Variants in TAS1R2 observed in about 807,000 individuals in gnomAD.
TAS1R2 encodes taste receptor type 1 member 2.
In TAS1R2, 47 loss-of-function variants were observed where a neutral mutation model predicts 49.3. That is an observed-to-expected ratio of 0.95 (90% CI 0.75 to 1.22). The LOEUF (loss-of-function observed/expected upper bound fraction) is 1.22. TAS1R2 is among the 50% of genes most tolerant of loss of function. TAS1R2 has a pLI of 0.00. For synonymous variants in TAS1R2, 479 were observed against 467.9 expected (o/e 1.02, Z -0.31); for missense variants, 1,155 against 1,122.1 (o/e 1.03, Z -0.42).
At chr1:18,853,329 C>T (rs994664809) in intron 3 of TAS1R2, among the ~76,000 whole-genome samples, 3 of 152,180 alleles carry the variant, frequency 2.0e-5, no homozygotes, top group East Asian at 3.8e-4. Context: ...TACAGCAATA[C>T]ACAGTATTTT....
rs762405605 is a variant in TAS1R2, at chr1:18,849,512, C to T, written c.1296G>A (p.Leu432=). Reference sequence around the variant, plus strand: ...GCGGGTCGAAGAAGATTTGGTGGTCCAGGAGAGTGAAGTTGACCTTCCAGA... The same window carrying T: ...GCGGGTCGAAGAAGATTTGGTGGTCTAGGAGAGTGAAGTTGACCTTCCAGA... The change falls in exon 4 of 6, where the codon CTG becomes CTA. Residue 432 remains leucine (L), a synonymous_variant. Transcript: ENST00000375371. 1.9e-5 allele frequency: 31 copies of T among 1,614,078 alleles called. 1 individual carries two copies. In the Admixed American group the frequency reaches 5.2e-4, roughly 27 times the overall value.
chr1:18,840,213 G>A (rs1362139090), exon 6 of TAS1R2: 3 of 1,614,208 alleles, frequency 1.9e-6, no homozygotes, highest in Admixed American at 1.7e-5. Flanking sequence ...AGGGGAAAGA[G>A]GGCCTGGCGG....
In TAS1R2 at chr1:18,856,374, T is replaced by C. The variant is rs189920985; in HGVS notation, c.483+957A>G. On this transcript the variant is annotated intron_variant, in intron 2 of 5. Coordinates refer to ENST00000375371, the Ensembl canonical transcript of TAS1R2. ...ACCCACCTGACCACCCTGTTGAAAA[T>C]TGCAATCTCCTTCTACCAACTCCTC... 1.5e-3 allele frequency among the ~76,000 whole-genome samples: 228 copies of C among 152,170 alleles called. 1 individual carries two copies. The highest frequency in any genetic ancestry group is 5.3e-3 in the African/African-American group (222 of 41,500).
intron 4 of TAS1R2, among the ~76,000 whole-genome samples, chr1:18,848,563 TG>T (rs11332276): frequency 0.41 from 62,898 of 151,866 alleles, 13,316 homozygotes; most frequent in East Asian, 0.55. Flanking sequence ...GTTAGGAACC[TG>T]GGCCACACAG....
rs2100528066 is a variant in TAS1R2 at position 18,857,447 on chromosome 1, G to A, written c.367C>T (p.Pro123Ser). ...TAGTTACTGTAGTCCTCTTGGATGG[G>A]AAGGAGGTTGTCCTCGTGTGCCAGG... Residue 123 changes from proline (P) to serine (S), a missense_variant, in exon 2 of 6, where the codon CCC becomes TCC. By Grantham distance (74) the Pro-to-Ser change is moderately conservative. Coordinates refer to ENST00000375371, the Ensembl canonical transcript of TAS1R2. 9 of 1,614,210 alleles carry A rather than the reference G, an allele frequency of 5.6e-6. No homozygotes were observed. In the East Asian group the frequency reaches 1.8e-4, roughly 32 times the overall value.
intron 1 of TAS1R2, among the ~76,000 whole-genome samples, 180 bp downstream of exon 1, chr1:18,859,299 A>G (rs1934198615): frequency 6.6e-6 from 1 of 152,172 alleles, no homozygotes. Flanking sequence ...TTGGTAACCC[A>G]TATTATACGG....
intron 3 of TAS1R2, among the ~76,000 whole-genome samples, chr1:18,851,212 G>C (rs1934017985): frequency 6.6e-6 from 1 of 152,170 alleles, no homozygotes. Flanking sequence ...AGAGAGCTGT[G>C]TGGGGAAGAG....
At position 18,841,927 on chromosome 1, in the gene TAS1R2, C is replaced by A; in HGVS notation, c.1468-75G>T. ...GGGGCCCCCTCCCCTCTCCAACCAG[C>A]AGGATGTTCAGGGGAGGAAGCCTAG... On this transcript the variant is annotated intron_variant, in intron 4 of 5. Coordinates refer to ENST00000375371, the Ensembl canonical transcript of TAS1R2. The A allele has an allele frequency of 2.1e-6, 3 of 1,430,920 alleles. No homozygotes were observed. In the East Asian group the frequency reaches 7.8e-5, roughly 37 times the overall value. 88.6% of individuals were successfully genotyped at this position (1,430,920 alleles called of 1,614,324 possible).
Position 18,839,930 on chromosome 1 carries a change from AACAGCAGGCTGTT to A in TAS1R2, c.2176_2188del (p.Asn726SerfsTer37). 1.2e-6 allele frequency: 2 copies of A among 1,614,180 alleles called. No homozygotes were observed. Among genetic ancestry groups the A allele is most frequent in the Non-Finnish European group, 1.7e-6 (2 of 1,180,032 alleles). ...GAGCAGCAGGTCCAGGCTGGTGTTGAACAGCAGGCTGTTGCGGTAGTTGGGGTTACAGGAGACA... is the reference window on the plus strand; with the variant it reads ...GAGCAGCAGGTCCAGGCTGGTGTTGAGCGGTAGTTGGGGTTACAGGAGACA... On this transcript the variant is annotated frameshift_variant, in exon 6 of 6. Coordinates refer to ENST00000375371, the Ensembl canonical transcript of TAS1R2. LOFTEE classifies it low-confidence loss of function (END_TRUNC).
At chr1:18,848,538 A>G (rs894829498) in intron 4 of TAS1R2, among the ~76,000 whole-genome samples, 2 of 142,118 alleles carry the variant, frequency 1.4e-5, no homozygotes, top group African/African-American at 5.3e-5. Flanking sequence ...ACAGACCAGT[A>G]CCAGTCTGTG....
intron 2 of TAS1R2, among the ~76,000 whole-genome samples, chr1:18,855,513 C>A (rs994218432): frequency 3.3e-5 from 5 of 152,274 alleles, no homozygotes; most frequent in Admixed American, 1.3e-4. Context: ...TCTATGACCT[C>A]TTAACCTTGG....
At chr1:18,844,352 A>G (rs141078080) in intron 4 of TAS1R2, among the ~76,000 whole-genome samples, 2 of 152,308 alleles carry the variant, frequency 1.3e-5, no homozygotes, top group Non-Finnish European at 2.9e-5. Flanking sequence ...GGGGAAAGGT[A>G]TATGTATGGA....
rs115110346 is a variant in TAS1R2 at position 18,852,463 on chromosome 1, C to T, written c.1257+1750G>A. On this transcript the variant is annotated intron_variant, in intron 3 of 5. Transcript: ENST00000375371. ...CATCATTTTCTAATTCTCCCAAGGA[C>T]GCTGTTTATGCCAGCAGAGACCCTG... Among the ~76,000 whole-genome samples the T allele has an allele frequency of 2.9e-3, 443 of 152,326 alleles. 6 individuals are homozygous for T. The South Asian group carries it at 0.033, about 11-fold the overall frequency.
rs369056169 is a variant in TAS1R2 at position 18,857,321 on chromosome 1, G to A, written c.483+10C>T. 4.2e-5 allele frequency: 67 copies of A among 1,610,218 alleles called. No homozygotes were observed. In the African/African-American group the frequency reaches 8.4e-4, roughly 20 times the overall value. ...TCCCCAGGTCCTTCTCCAGGGCCCA[G>A]GGGCCTCACCTGTGGAAGGAGAAAT... On this transcript the variant is annotated intron_variant, in intron 2 of 5. Transcript: ENST00000375371.
intron 4 of TAS1R2, among the ~76,000 whole-genome samples, chr1:18,844,680 G>C (rs1366940572): frequency 6.6e-6 from 1 of 152,164 alleles, no homozygotes; most frequent in Non-Finnish European, 1.5e-5. Flanking sequence ...CTTGATCCCT[G>C]GGGGCGGAGG....
At chr1:18,843,570 G>C (rs1287698699) in intron 4 of TAS1R2, among the ~76,000 whole-genome samples, 4 of 152,220 alleles carry the variant, frequency 2.6e-5, no homozygotes, top group African/African-American at 9.6e-5. Flanking sequence ...AGGGTAACAA[G>C]TCCAGAAAAT....
Position 18,854,683 on chromosome 1 carries a change from T to C in TAS1R2, c.787A>G (p.Lys263Glu). ...ACGCGCGCTGTGCTCTGCTGCAGCT[T>C]GTCCACAATGGTCACCAGGCGCTGG... The change falls in exon 3 of 6, where the codon AAG becomes GAG. Residue 263 changes from lysine (K) to glutamate (E), a missense_variant. Transcript: ENST00000375371. The surrounding 1 kb of genome is among the most constrained non-coding windows in gnomAD (Gnocchi z 4.9). 1.2e-6 allele frequency: 2 copies of C among 1,613,896 alleles called. No homozygotes were observed. The highest frequency in any genetic ancestry group is 1.7e-6 in the Non-Finnish European group (2 of 1,179,946).
At chr1:18,850,169 G>A (rs11485911) in intron 3 of TAS1R2, among the ~76,000 whole-genome samples, 6,738 of 152,242 alleles carry the variant, frequency 0.044, 371 homozygotes, top group African/African-American at 0.13. Context: ...ACAAACTAGA[G>A]CACACTTTGA....
At chr1:18,857,296 T>TC (rs1557600658) in intron 2 of TAS1R2, 35 bp downstream of exon 2, 1 of 1,595,956 alleles carries the variant, frequency 6.3e-7, no homozygotes, top group Non-Finnish European at 8.6e-7. Context: ...TCTGCCCCCC[T>TC]CCCCAGGTCC....
Sources: allele counts gnomAD v4.1 joint callset (sites outside exome capture counted in the v4.1 genomes callset), GRCh38; gene constraint gnomAD v4.1.1; non-coding constraint Gnocchi (gnomAD v3.1); transcripts MANE v1.5; gene names NCBI Gene and HGNC (gene_info 2026-07-23, HGNC 2026-07-21).